ABCC1: variants seen among roughly 807,000 people sequenced by gnomAD.
ABCC1 encodes the protein multidrug resistance-associated protein 1.
Under a neutral mutation model 172.9 loss-of-function variants are expected in ABCC1, and 83 were observed. The ratio of observed to expected loss-of-function variants is 0.48; its 90% CI spans 0.40 to 0.58. The LOEUF is 0.58. Among genes scored for constraint, ABCC1 ranks in the 20% least tolerant of loss-of-function variants. The probability of loss-of-function intolerance (pLI) is 0.00; values close to 1 mark genes in which losing one functional copy is unlikely to be tolerated. For missense variants in ABCC1, 1,817 were observed against 2,002.7 expected (o/e 0.91, Z 1.77); for synonymous variants, 937 against 825.2 (o/e 1.14, Z -2.32).
At chr16:15,978,846 CTGT>C (rs1252729583) in intron 1 of ABCC1, among the ~76,000 whole-genome samples, 2 of 152,022 alleles carry the variant, frequency 1.3e-5, no homozygotes, top group African/African-American at 2.4e-5. Flanking sequence ...CAGTTGGTGT[CTGT>C]TGGGTTAGGA....
At position 16,071,695 on chromosome 16, in the gene ABCC1, A is replaced by G. The variant is rs1268751640; in HGVS notation, c.1878A>G (p.Glu626=). The G allele has an allele frequency of 1.9e-6, 3 of 1,613,954 alleles. No homozygotes were observed. The South Asian group carries it at 3.3e-5, about 18-fold the overall frequency. Residue 626 remains glutamate (E), a synonymous_variant, in exon 14 of 31, where the codon GAA becomes GAG. Transcript: ENST00000399410. ...TCTTTCTCTCCCATGAGGAGCTGGA[A>G]CCTGACAGCATCGAGCGACGGCCTG... ...LRIFLSHEEL[E]PDSIERRPVK... is the part of the protein sequence containing the mutation.
At position 16,120,331 on chromosome 16, in the gene ABCC1, A is replaced by G. The variant is rs1442518789; in HGVS notation, c.3391-1644A>G. ...GGGCTCACCAGTTCCTTTTGCGTAG[A>G]TGAGAAAAACCTAGGCTAGGAGAGC... On this transcript the variant is annotated intron_variant, in intron 23 of 30. Coordinates refer to ENST00000399410, the MANE Select transcript of ABCC1 (RefSeq NM_004996.4). 2.0e-5 allele frequency among the ~76,000 whole-genome samples: 3 copies of G among 152,190 alleles called. No individual in the cohort carries two copies. The South Asian group carries it at 6.2e-4, about 31-fold the overall frequency.
intron 2 of ABCC1, 66 bp from the exon 3 acceptor site, chr16:16,009,710 T>TC: frequency 6.8e-7 from 1 of 1,480,628 alleles, no homozygotes; most frequent in Non-Finnish European, 9.0e-7. Flanking sequence ...GCTGAGCTGT[T>TC]CGTGCAGGCC....
intron 28 of ABCC1, 87 bp downstream of exon 28, chr16:16,134,595 C>G (rs1373489314): frequency 1.7e-6 from 2 of 1,211,762 alleles, no homozygotes; most frequent in Non-Finnish European, 2.3e-6. Context: ...ATTTTTGGGG[C>G]AAACATACAT....
chr16:16,026,465 CTTTTTTTTT>C (rs1157942197), intron 5 of ABCC1, among the ~76,000 whole-genome samples: 12 of 95,496 alleles, frequency 1.3e-4, no homozygotes, highest in East Asian at 3.6e-4. Flanking sequence ...AGGCTATTTC[CTTTTTTTTT>C]TTTTTTTTTT....
intron 18 of ABCC1, among the ~76,000 whole-genome samples, chr16:16,089,325 T>A (rs2051142017): frequency 6.6e-6 from 1 of 152,086 alleles, no homozygotes; most frequent in Non-Finnish European, 1.5e-5. Flanking sequence ...GGCGAATGGA[T>A]CGCTTCAGTT....
At chr16:15,982,682 C>T (rs1222679545) in intron 1 of ABCC1, among the ~76,000 whole-genome samples, 5 of 150,290 alleles carry the variant, frequency 3.3e-5, no homozygotes, top group Non-Finnish European at 7.4e-5. Flanking sequence ...TGGCTCATGC[C>T]TGTATCCCAG....
At chr16:16,072,303 C>T (rs1442750502) in intron 14 of ABCC1, among the ~76,000 whole-genome samples, 2 of 151,798 alleles carry the variant, frequency 1.3e-5, no homozygotes, top group Non-Finnish European at 2.9e-5. Flanking sequence ...ACCTTAGCCT[C>T]CCAAGTAGCT....
At chr16:16,141,138 C>T in intron 30 of ABCC1, 35 bp from the exon 31 acceptor site, 1 of 1,593,596 alleles carries the variant, frequency 6.3e-7, no homozygotes, top group East Asian at 2.2e-5. Flanking sequence ...CTCACCCCTC[C>T]CCTTCCCCTC....
chr16:16,017,510 A>G (rs985415641), intron 5 of ABCC1, among the ~76,000 whole-genome samples: 3 of 152,146 alleles, frequency 2.0e-5, no homozygotes, highest in African/African-American at 7.2e-5. Context: ...AGATCAACCC[A>G]TCATCTAGGA....
At chr16:16,031,808 C>T (rs1043183181) in intron 5 of ABCC1, among the ~76,000 whole-genome samples, 2 of 152,078 alleles carry the variant, frequency 1.3e-5, no homozygotes, top group Non-Finnish European at 2.9e-5. Context: ...ATATTTCTCT[C>T]CCTTCAGGAC....
chr16:16,114,861 T>A lies in ABCC1; in HGVS notation c.3175T>A (p.Ser1059Thr). ...HVDLLHSILR[S>T]PMSFFERTPS... ...GGACCTGCTGCACAGCATCCTGCGG[T>A]CACCCATGAGCTTCTTTGAGCGGAC... Residue 1059 changes from serine (S) to threonine (T), a missense_variant, in exon 23 of 31, where the codon TCA becomes ACA. Coordinates refer to ENST00000399410, the MANE Select transcript of ABCC1 (RefSeq NM_004996.4). 1.9e-6 allele frequency: 3 copies of A among 1,614,000 alleles called. No individual in the cohort carries two copies. In the South Asian group the frequency reaches 3.3e-5, roughly 18 times the overall value.
At chr16:16,016,002 A>G (rs190838591) in intron 4 of ABCC1, among the ~76,000 whole-genome samples, 4 of 152,178 alleles carry the variant, frequency 2.6e-5, no homozygotes, top group African/African-American at 9.6e-5. Flanking sequence ...TCTTCCTCCC[A>G]TCAGGCAGCG....
intron 14 of ABCC1, among the ~76,000 whole-genome samples, chr16:16,073,806 C>T (rs2050446457): frequency 6.6e-6 from 1 of 152,206 alleles, no homozygotes; most frequent in Non-Finnish European, 1.5e-5. Context: ...TTGCCTGTGG[C>T]TACCCAGGTA....
At chr16:16,072,517 T>C (rs1008809791) in intron 14 of ABCC1, among the ~76,000 whole-genome samples, 1 of 150,952 alleles carries the variant, frequency 6.6e-6, no homozygotes, top group African/African-American at 2.4e-5. Flanking sequence ...ATTGTTTTAT[T>C]TGGAGAGACA....
chr16:16,042,610 G>C (rs1483880816), intron 7 of ABCC1, among the ~76,000 whole-genome samples: 2 of 151,802 alleles, frequency 1.3e-5, no homozygotes, highest in African/African-American at 2.4e-5. Flanking sequence ...GGCTGAGGCA[G>C]GAGAATCGCT....
chr16:16,043,273 C>A, intron 7 of ABCC1, among the ~76,000 whole-genome samples: 1 of 118,764 alleles, frequency 8.4e-6, no homozygotes, highest in Non-Finnish European at 1.7e-5. Flanking sequence ...TATCCCTTTA[C>A]CTGTCTTGAT....
chr16:15,975,745 G>A (rs528670192), intron 1 of ABCC1, among the ~76,000 whole-genome samples: 13 of 151,598 alleles, frequency 8.6e-5, no homozygotes, highest in East Asian at 2.0e-4. Flanking sequence ...TATTACAGAC[G>A]GGGTTTCTCC....
chr16:16,084,554 G>A (rs1031985746), intron 17 of ABCC1, among the ~76,000 whole-genome samples: 7 of 145,878 alleles, frequency 4.8e-5, no homozygotes, highest in Admixed American at 6.9e-5. Flanking sequence ...ATTCGAGGCA[G>A]GGTTTCACCA....
Sources: gnomAD v4.1 joint callset for allele counts (sites outside exome capture counted in the v4.1 genomes callset) on GRCh38, gnomAD v4.1.1 for gene constraint, MANE v1.5 for transcripts, NCBI Gene and HGNC (gene_info 2026-07-23, HGNC 2026-07-21) for gene names.